ARHGEF9: variants seen among roughly 807,000 people sequenced by gnomAD.
ARHGEF9 encodes Cdc42 guanine nucleotide exchange factor 9.
Under a neutral mutation model 41.3 loss-of-function variants are expected in ARHGEF9, and 2 were observed. The observed-to-expected ratio is 0.05, with a 90% CI of 0.02 to 0.15. The LOEUF (loss-of-function observed/expected upper bound fraction) is 0.15, where lower values mean the gene tolerates loss of function less well. ARHGEF9 is among the 10% of genes least tolerant of loss of function. The probability of loss-of-function intolerance (pLI) is 1.00; values close to 1 mark genes in which losing one functional copy is unlikely to be tolerated. For synonymous variants in ARHGEF9, 160 were observed against 154.4 expected (o/e 1.04, Z -0.27); for missense variants, 225 against 424.7 (o/e 0.53, Z 4.13).
chrX:63,663,176 T>A (rs1556343513), intron 7 of ARHGEF9, among the ~76,000 whole-genome samples: 1 of 111,626 alleles, frequency 9.0e-6, no homozygotes, highest in Admixed American at 9.5e-5. Context: ...TTTTCCTTGA[T>A]AGAGAAGGAA....
At chrX:63,710,296 GA>G (rs75149222) in intron 2 of ARHGEF9, among the ~76,000 whole-genome samples, 790 of 22,732 alleles carry the variant, frequency 0.035, 3 homozygotes, top group African/African-American at 0.057. Context: ...CCACATGGGA[GA>G]AAAAAAAAAA....
chrX:63,707,207 A>G (rs1359048077), intron 2 of ARHGEF9, among the ~76,000 whole-genome samples: 1 of 111,033 alleles, frequency 9.0e-6, no homozygotes, highest in East Asian at 2.8e-4. Context: ...ACACTGTGCT[A>G]GAATCTTTGT....
intron 8 of ARHGEF9, among the ~76,000 whole-genome samples, chrX:63,647,409 G>A (rs1391875343): frequency 4.2e-4 from 47 of 111,549 alleles, no homozygotes; most frequent in Non-Finnish European, 9.4e-5. Flanking sequence ...CGTCCCATCA[G>A]TATGTAATTT....
chrX:63,658,426 A>T (rs1222260753), intron 7 of ARHGEF9, among the ~76,000 whole-genome samples: 2 of 112,277 alleles, frequency 1.8e-5, no homozygotes, highest in African/African-American at 6.5e-5. Flanking sequence ...CATGATGTAG[A>T]GTCTGAAGCC....
At chrX:63,638,662 C>G (rs377702307) in intron 9 of ARHGEF9, 18 of 303,071 alleles carry the variant, frequency 5.9e-5, no homozygotes, top group Non-Finnish European at 9.8e-5. Context: ...TCCAGTCCCC[C>G]CTGGAAGTTT....
At chrX:63,645,694 T>A (rs1465292819) in intron 8 of ARHGEF9, among the ~76,000 whole-genome samples, 1 of 111,985 alleles carries the variant, frequency 8.9e-6, no homozygotes, top group Non-Finnish European at 1.9e-5. Context: ...AACATACGTG[T>A]GCATGTGTCT....
chrX:63,695,365 T>C (rs1424682836), intron 4 of ARHGEF9, among the ~76,000 whole-genome samples: 1 of 111,952 alleles, frequency 8.9e-6, no homozygotes, highest in Non-Finnish European at 1.9e-5. Context: ...GCAAACCCCA[T>C]CCACTTATAT....
chrX:63,745,718 T>C (rs1466347786), intron 1 of ARHGEF9, among the ~76,000 whole-genome samples: 1 of 111,402 alleles, frequency 9.0e-6, no homozygotes, highest in Non-Finnish European at 1.9e-5. Context: ...CCCTAAGTGA[T>C]TCTCTGTAAA....
In ARHGEF9 at chrX:63,715,769, A is replaced by G. The variant is rs7883561; in HGVS notation, c.210+8763T>C. Among the ~76,000 whole-genome samples, 329 of 111,836 alleles carry G rather than the reference A, an allele frequency of 2.9e-3. 1 individual carries two copies. The highest frequency in any genetic ancestry group is 0.01 in the African/African-American group (320 of 30,762). Reference sequence around the variant, plus strand: ...TTAATCCCTTCCCTAACTATCCTGTATTTTCTACCTGCTAACATTTGTACA... The same window carrying G: ...TTAATCCCTTCCCTAACTATCCTGTGTTTTCTACCTGCTAACATTTGTACA... On this transcript the variant is annotated intron_variant, in intron 2 of 9. Transcript: ENST00000671741.
chrX:63,657,090 C>T (rs1405294318), intron 7 of ARHGEF9: 1 of 111,936 alleles, frequency 8.9e-6, no homozygotes, highest in Non-Finnish European at 1.9e-5. Context: ...ATGGCTGAGT[C>T]AGGTTGAGGA....
At chrX:63,645,277 T>C (rs868995280) in intron 8 of ARHGEF9, among the ~76,000 whole-genome samples, 32 of 110,844 alleles carry the variant, frequency 2.9e-4, no homozygotes, top group East Asian at 2.8e-4. Context: ...GTGCACAATG[T>C]ACAGGTTTGT....
intron 1 of ARHGEF9, among the ~76,000 whole-genome samples, chrX:63,749,875 A>C (rs1268615503): frequency 8.9e-6 from 1 of 112,378 alleles, no homozygotes; most frequent in African/African-American, 3.2e-5. Flanking sequence ...AAAGTACAAT[A>C]AACTAAATAC....
chrX:63,680,243 C>T (rs2050533236), intron 4 of ARHGEF9, among the ~76,000 whole-genome samples: 1 of 111,969 alleles, frequency 8.9e-6, no homozygotes, highest in South Asian at 3.7e-4. Flanking sequence ...GCTTAGGGGT[C>T]CACTTAAGAA....
chrX:63,675,653 C>T (rs1296921979), intron 5 of ARHGEF9, among the ~76,000 whole-genome samples: 1 of 112,171 alleles, frequency 8.9e-6, no homozygotes, highest in Non-Finnish European at 1.9e-5. Flanking sequence ...CAAACATTTC[C>T]GTAGTAGAGC....
At chrX:63,780,816 C>T (rs1186263594) in intron 1 of ARHGEF9, among the ~76,000 whole-genome samples, 1 of 111,926 alleles carries the variant, frequency 8.9e-6, no homozygotes, top group Admixed American at 9.5e-5. Flanking sequence ...ACAGTTGTAA[C>T]TACAAGTGTT....
intron 8 of ARHGEF9, among the ~76,000 whole-genome samples, chrX:63,648,267 C>A (rs1216384702): frequency 9.0e-6 from 1 of 111,634 alleles, no homozygotes; most frequent in Non-Finnish European, 1.9e-5. Context: ...AGAAACTCTA[C>A]AAGCCAGAAG....
chrX:63,676,238 C>G (rs1240877758), intron 5 of ARHGEF9, among the ~76,000 whole-genome samples: 1 of 112,323 alleles, frequency 8.9e-6, no homozygotes, highest in Non-Finnish European at 1.9e-5. Flanking sequence ...AGGCTTTTCA[C>G]TATACTTCCT....
At chrX:63,692,464 A>C (rs2051417190) in intron 4 of ARHGEF9, among the ~76,000 whole-genome samples, 1 of 112,645 alleles carries the variant, frequency 8.9e-6, no homozygotes, top group Non-Finnish European at 1.9e-5. Context: ...AAAAATGCCC[A>C]ACATCATTAA....
Position 63,637,253 on chromosome X carries a change from C to T in ARHGEF9, c.*775G>A. Reference sequence around the variant, plus strand: ...CCTGAACAGAAGTCCACTCCAGCATCATCATAGTCTGATACTCCCTTGCTT... The same window carrying T: ...CCTGAACAGAAGTCCACTCCAGCATTATCATAGTCTGATACTCCCTTGCTT... On this transcript the variant is annotated 3_prime_UTR_variant, in exon 10 of 10. Transcript: ENST00000671741. 2 of 297,631 alleles carry T rather than the reference C, an allele frequency of 6.7e-6. No individual in the cohort carries two copies. Among genetic ancestry groups the T allele is most frequent in the Non-Finnish European group, 5.9e-6 (1 of 170,405 alleles). 24.5% of individuals were successfully genotyped at this position (297,631 alleles called of 1,213,427 possible).
Sources: gnomAD v4.1 joint callset for allele counts (sites outside exome capture counted in the v4.1 genomes callset) on GRCh38, gnomAD v4.1.1 for gene constraint, MANE v1.5 for transcripts, NCBI Gene and HGNC (gene_info 2026-07-23, HGNC 2026-07-21) for gene names.